The following KLF5 variants were observed in gnomAD, a reference collection of about 807,000 sequenced individuals.
KLF5 encodes Krueppel-like factor 5.
KLF5 carries 9 observed loss-of-function variants against 36.9 expected under a neutral mutation model. That is an observed-to-expected ratio of 0.24 (90% confidence interval 0.15 to 0.43). KLF5 has a LOEUF of 0.43. KLF5 is among the 20% of genes least tolerant of loss of function. The pLI, the probability that KLF5 is intolerant of heterozygous loss-of-function variation, is 1.00. For synonymous variants in KLF5, 246 were observed against 241.7 expected (o/e 1.02, Z -0.17); for missense variants, 524 against 599.5 (o/e 0.87, Z 1.31).
intron 3 of KLF5, among the ~76,000 whole-genome samples, chr13:73,064,221 T>G (rs1472150620): frequency 6.6e-6 from 1 of 152,198 alleles, no homozygotes; most frequent in Admixed American, 6.5e-5. Flanking sequence ...AAAACTCATT[T>G]TCTTCCATAG....
In KLF5 at chr13:73,059,142, T is replaced by C; in HGVS notation, c.-186T>C. On this transcript the variant is annotated 5_prime_UTR_variant, in exon 1 of 4. Coordinates refer to ENST00000377687, the MANE Select transcript of KLF5 (RefSeq NM_001730.5). ...CCCGGAGGACGTTGGCGTTTACGTGTGGAAGAGCGGAAGAGTTTTGCTTTT... is the reference window on the plus strand; with the variant it reads ...CCCGGAGGACGTTGGCGTTTACGTGCGGAAGAGCGGAAGAGTTTTGCTTTT... The C allele has an allele frequency of 2.2e-6, 1 of 457,620 alleles. No homozygotes were observed. The highest frequency in any genetic ancestry group is 3.7e-5 in the East Asian group (1 of 27,294). 28.3% of individuals were successfully genotyped at this position (457,620 alleles called of 1,614,324 possible).
In KLF5 at chr13:73,062,308, C is replaced by T. The variant is rs1163570651; in HGVS notation, c.709C>T (p.Leu237=). 1.2e-6 allele frequency: 2 copies of T among 1,614,178 alleles called. No homozygotes were observed. The highest frequency in any genetic ancestry group is 3.3e-5 in the Admixed American group (2 of 60,018). ...HLYQLLNTPD[L]DMPSSTNQTA... ...GTACCAGCTACTGAATACACCGGATCTAGATATGCCCAGTTCTACAAATCA... is the reference window on the plus strand; with the variant it reads ...GTACCAGCTACTGAATACACCGGATTTAGATATGCCCAGTTCTACAAATCA... Residue 237 remains leucine (L), a synonymous_variant, in exon 2 of 4, where the codon CTA becomes TTA. Coordinates refer to ENST00000377687, the MANE Select transcript of KLF5 (RefSeq NM_001730.5).
chr13:73,058,581 G>A (rs1205141582), upstream of KLF5, among the ~76,000 whole-genome samples: 1 of 152,198 alleles, frequency 6.6e-6, no homozygotes, highest in African/African-American at 2.4e-5. Context: ...CTGCCTTCTG[G>A]GTTTCAGCTT....
chr13:73,070,621 C>T (rs2044716223), intron 3 of KLF5, among the ~76,000 whole-genome samples: 1 of 152,178 alleles, frequency 6.6e-6, no homozygotes, highest in African/African-American at 2.4e-5. Flanking sequence ...CGTGATCCCA[C>T]CCATTCCCTC....
At chr13:73,059,774 TG>T (rs11335137) in intron 1 of KLF5, 186 bp downstream of exon 1, 196,312 of 380,450 alleles carry the variant, frequency 0.52, 39,344 homozygotes, top group East Asian at 0.71. Flanking sequence ...TGAGAGTAAA[TG>T]GGGGGGGGGG....
upstream of KLF5, among the ~76,000 whole-genome samples, chr13:73,056,551 G>A (rs936483206): frequency 3.3e-5 from 5 of 152,204 alleles, no homozygotes; most frequent in African/African-American, 9.7e-5. Flanking sequence ...CGGTGAAACA[G>A]GTTTGCAGCT....
At chr13:73,064,591 T>A (rs1039542159) in intron 3 of KLF5, among the ~76,000 whole-genome samples, 3 of 152,222 alleles carry the variant, frequency 2.0e-5, no homozygotes, top group Non-Finnish European at 4.4e-5. Context: ...GTTGCCAGGC[T>A]GTAGTGCAGT....
intron 1 of KLF5, 73 bp from the exon 2 acceptor site, chr13:73,061,788 A>C (rs2044636790): frequency 3.6e-6 from 5 of 1,405,074 alleles, no homozygotes; most frequent in Non-Finnish European, 4.9e-6. Flanking sequence ...AATTTTTAGT[A>C]GGCGCCGATT....
chr13:73,068,250 C>A (rs556653313), intron 3 of KLF5, among the ~76,000 whole-genome samples: 1 of 152,304 alleles, frequency 6.6e-6, no homozygotes, highest in South Asian at 2.1e-4. Flanking sequence ...AAAGGGGTTA[C>A]ATTCCCATTT....
At position 73,075,970 on chromosome 13, in the gene KLF5, C is replaced by CAAA. The variant is rs148760123; in HGVS notation, c.*85_*87dup. On this transcript the variant is annotated 3_prime_UTR_variant, in exon 4 of 4. Coordinates refer to ENST00000377687, the MANE Select transcript of KLF5 (RefSeq NM_001730.5). The stretch of plus-strand genomic sequence containing the variant: ...TATTCCTGTGTAAAAACAACAAAAA[C>CAAA]AAACAAAAGCAAGAAAACCACAACT... 1.5e-3 allele frequency: 1,627 copies of CAAA among 1,063,532 alleles called. 5 individuals carry two copies. The highest frequency in any genetic ancestry group is 0.014 in the Middle Eastern group (50 of 3,654). 65.9% of individuals were successfully genotyped at this position (1,063,532 alleles called of 1,614,324 possible).
chr13:73,061,777 G>C, intron 1 of KLF5, 84 bp from the exon 2 acceptor site: 2 of 1,322,262 alleles, frequency 1.5e-6, no homozygotes, highest in Non-Finnish European at 2.1e-6. Flanking sequence ...GGGATTGGGG[G>C]AATTTTTAGT....
intron 3 of KLF5, among the ~76,000 whole-genome samples, chr13:73,065,939 A>G (rs1043849746): frequency 2.0e-5 from 3 of 152,204 alleles, no homozygotes; most frequent in Non-Finnish European, 2.9e-5. Context: ...CGGCAAATAC[A>G]TTTAATCGTG....
intron 3 of KLF5, among the ~76,000 whole-genome samples, chr13:73,068,987 T>C (rs2044703019): frequency 6.6e-6 from 1 of 151,992 alleles, no homozygotes. Flanking sequence ...TCCCAGCTAC[T>C]TGGGAGCCTG....
chr13:73,075,757 G>C lies in KLF5; in HGVS notation c.1245G>C (p.Ala415=). 1 of 1,612,194 alleles carries C rather than the reference G, an allele frequency of 6.2e-7. No homozygotes were observed. The highest frequency in any genetic ancestry group is 8.5e-7 in the Non-Finnish European group (1 of 1,178,654). ...CTWEGCDWRF[A]RSDELTRHYR... ...GGGAAGGCTGCGACTGGAGGTTCGC[G>C]CGATCGGATGAGCTGACCCGCCACT... The change falls in exon 4 of 4, where the codon GCG becomes GCC. Residue 415 remains alanine (A), a synonymous_variant. Coordinates refer to ENST00000377687, the MANE Select transcript of KLF5 (RefSeq NM_001730.5).
upstream of KLF5, among the ~76,000 whole-genome samples, chr13:73,055,845 T>A (rs2139096591): frequency 6.6e-6 from 1 of 152,318 alleles, no homozygotes; most frequent in South Asian, 2.1e-4. Context: ...GAAATAAATA[T>A]TCTATGAATA....
intron 3 of KLF5, among the ~76,000 whole-genome samples, chr13:73,067,425 T>A (rs1358062055): frequency 6.6e-6 from 1 of 152,204 alleles, no homozygotes; most frequent in Non-Finnish European, 1.5e-5. Context: ...ATTTAAAAAG[T>A]TCTTACCAGA....
intron 3 of KLF5, among the ~76,000 whole-genome samples, chr13:73,070,711 AT>A (rs2044716767): frequency 6.6e-6 from 1 of 152,156 alleles, no homozygotes; most frequent in Non-Finnish European, 1.5e-5. Context: ...GGGCTCTAGT[AT>A]GTCTTGGCTT....
At chr13:73,064,972 A>T (rs2044669016) in intron 3 of KLF5, among the ~76,000 whole-genome samples, 1 of 152,198 alleles carries the variant, frequency 6.6e-6, no homozygotes. Context: ...ACTATTTGCG[A>T]TTTTCTTAAA....
chr13:73,063,927 TA>T (rs1334406108), intron 3 of KLF5, 44 bp downstream of exon 3: 4 of 1,215,800 alleles, frequency 3.3e-6, no homozygotes, highest in Non-Finnish European at 4.9e-6. Flanking sequence ...GTAAATAGTG[TA>T]AGTGGTATTC....
Sources: allele counts gnomAD v4.1 joint callset (sites outside exome capture counted in the v4.1 genomes callset), GRCh38; gene constraint gnomAD v4.1.1; transcripts MANE v1.5; gene names NCBI Gene and HGNC (gene_info 2026-07-23, HGNC 2026-07-21).